The following CEP112 variants were observed in gnomAD, a reference collection of about 807,000 sequenced individuals.
CEP112 encodes the protein centrosomal protein of 112 kDa.
CEP112 carries 127 observed loss-of-function variants against 153.0 expected under a neutral mutation model. The observed-to-expected ratio is 0.83, with a 90% CI of 0.72 to 0.96. The LOEUF (loss-of-function observed/expected upper bound fraction) is 0.96, where lower values mean the gene tolerates loss of function less well. CEP112 is among the 40% of genes least tolerant of loss of function. CEP112 has a pLI of 0.00. For missense variants in CEP112, 1,089 were observed against 1,101.2 expected (o/e 0.99, Z 0.16); for synonymous variants, 358 against 374.4 (o/e 0.96, Z 0.51).
Position 66,191,868 on chromosome 17 carries a change from C to T in CEP112, c.-9+129G>A, listed in dbSNP as rs550972461. 9.6e-4 allele frequency: 146 copies of T among 152,318 alleles called. 1 individual carries two copies. Among genetic ancestry groups the T allele is most frequent in the African/African-American group, 3.5e-3 (144 of 41,568 alleles). The allele number at this position is 152,318 out of a possible 1,614,324, so 9.4% of individuals were successfully genotyped here. On this transcript the variant is annotated intron_variant, in intron 1 of 26. Coordinates refer to ENST00000535342, the MANE Select transcript of CEP112 (RefSeq NM_001199165.4). This position sits in a 1 kb window ranked among gnomAD's most constrained non-coding sequence, Gnocchi z 4.2. ...CGCCCCCCAGGCCCGGAGAACGGGC[C>T]CAGGGCCTGAGGGCGACGCCCCTTC...
rs960344027 is a variant in CEP112 at position 65,829,340 on chromosome 17, A to AT, written c.2394+22463dup. ...ATCAGGCAAACCAGGCCCATAGAGA[A>AT]TTTTTTTTTCCATTATGAATATGAG... On this transcript the variant is annotated intron_variant, in intron 21 of 26. Coordinates refer to ENST00000535342, the MANE Select transcript of CEP112 (RefSeq NM_001199165.4). 1.2e-4 allele frequency among the ~76,000 whole-genome samples: 18 copies of AT among 151,588 alleles called. No homozygotes were observed. In the South Asian group the frequency reaches 1.5e-3, roughly 12 times the overall value.
chr17:65,639,836 C>CTTTTTTTTT (rs554226605), intron 25 of CEP112, among the ~76,000 whole-genome samples: 10 of 110,958 alleles, frequency 9.0e-5, no homozygotes, highest in East Asian at 5.4e-4. Flanking sequence ...CTCTTTCTTT[C>CTTTTTTTTT]TTTTTTTTTT....
rs759470542 is a variant in CEP112 at position 66,028,347 on chromosome 17, T to A, written c.1562A>T (p.Gln521Leu). The A allele has an allele frequency of 4.4e-6, 7 of 1,600,880 alleles. No homozygotes were observed. The highest frequency in any genetic ancestry group is 6.0e-6 in the Non-Finnish European group (7 of 1,172,508). ...TTGCTTTCTTTGAAGTTCTGATTCC[T>A]GTAACTGCTGTTTTAATTGACAGAC... The part of the protein sequence containing the change: ...QNVCQLKQQL[Q>L]ESELQRKQQL... Residue 521 changes from glutamine to leucine, a missense_variant, in exon 15 of 27, where the codon CAG becomes CTG. Gln to Leu is a moderately radical substitution (Grantham distance 113, BLOSUM62 -2). Coordinates refer to ENST00000535342, the MANE Select transcript of CEP112 (RefSeq NM_001199165.4).
chr17:66,070,014 T>G lies in CEP112; in HGVS notation c.769-13A>C. ...TTTTCATGTCCAGCTTCAAGAAAAA[T>G]ATTTCAAGGGTGTTATTAATTTACT... On this transcript the variant is annotated splice_polypyrimidine_tract_variant and intron_variant, in intron 8 of 26. Coordinates refer to ENST00000535342, the MANE Select transcript of CEP112 (RefSeq NM_001199165.4). 1 of 1,506,762 alleles carries G rather than the reference T, an allele frequency of 6.6e-7. No homozygotes were observed. 93.3% of individuals were successfully genotyped at this position (1,506,762 alleles called of 1,614,324 possible). A position where few individuals can be genotyped will look rare whatever the true frequency, so the allele number is the denominator to read the frequency against.
chr17:65,973,508 A>T (rs923749634), intron 17 of CEP112, among the ~76,000 whole-genome samples: 6 of 152,244 alleles, frequency 3.9e-5, no homozygotes, highest in Non-Finnish European at 7.3e-5. Flanking sequence ...AACCTTTTTA[A>T]CATCATTAGT....
intron 11 of CEP112, among the ~76,000 whole-genome samples, chr17:66,058,157 GA>G (rs34748051): frequency 0.47 from 70,484 of 151,058 alleles, 17,475 homozygotes; most frequent in East Asian, 0.89. Context: ...TGTATAACTA[GA>G]AAAAAAAGCT....
intron 19 of CEP112, among the ~76,000 whole-genome samples, chr17:65,912,918 G>C (rs932634529): frequency 3.3e-5 from 5 of 152,064 alleles, no homozygotes; most frequent in African/African-American, 1.2e-4. Context: ...AGTTTTATTA[G>C]GTTGGTGCAA....
chr17:66,129,811 T>C lies in CEP112; in HGVS notation c.577A>G (p.Lys193Glu), dbSNP rs753392909. ...ITPKICEVYS[K>E]KSPVSLDDSD... Reference sequence around the variant, plus strand: ...TCATCCAAAGAAACAGGAGATTTTTTCGAATAAACTTCCTGAAATACAAAA... The same window carrying C: ...TCATCCAAAGAAACAGGAGATTTTTCCGAATAAACTTCCTGAAATACAAAA... The change falls in exon 6 of 27, where the codon AAA becomes GAA. Residue 193 changes from lysine (K) to glutamate (E), a missense_variant. Transcript: ENST00000535342. The C allele has an allele frequency of 1.2e-6, 2 of 1,608,796 alleles. No individual in the cohort carries two copies. The highest frequency in any genetic ancestry group is 2.7e-5 in the African/African-American group (2 of 74,622).
intron 8 of CEP112, among the ~76,000 whole-genome samples, chr17:66,083,243 A>C (rs1306724531): frequency 1.3e-5 from 2 of 152,140 alleles, no homozygotes; most frequent in African/African-American, 4.8e-5. Context: ...GGTTTTATAA[A>C]GGGCAGTTTC....
intron 8 of CEP112, among the ~76,000 whole-genome samples, chr17:66,087,846 G>A (rs529464487): frequency 6.6e-6 from 1 of 152,166 alleles, no homozygotes; most frequent in African/African-American, 2.4e-5. Context: ...GGGAAGAAAG[G>A]TGAGCACTAG....
chr17:65,972,711 T>C (rs1366783672), intron 17 of CEP112, among the ~76,000 whole-genome samples: 2 of 152,226 alleles, frequency 1.3e-5, no homozygotes, highest in African/African-American at 4.8e-5. Flanking sequence ...ACAGATTTTA[T>C]ATGTGTTAAA....
intron 23 of CEP112, among the ~76,000 whole-genome samples, chr17:65,733,893 A>C (rs1429240538): frequency 6.6e-6 from 1 of 152,222 alleles, no homozygotes; most frequent in Non-Finnish European, 1.5e-5. Flanking sequence ...GAAATCCAAA[A>C]GTCCTCCGAA....
At position 65,693,115 on chromosome 17, in the gene CEP112, A is replaced by G. The variant is rs556292306; in HGVS notation, c.2608-3897T>C. 1.2e-4 allele frequency among the ~76,000 whole-genome samples: 18 copies of G among 152,318 alleles called. No homozygotes were observed. In the South Asian group the frequency reaches 3.5e-3, roughly 30 times the overall value. Reference sequence around the variant, plus strand: ...AAATACTCCTTTAATTTTATTTCACAGAAGAGAAAGATGGCATGCCTCTCC... The same window carrying G: ...AAATACTCCTTTAATTTTATTTCACGGAAGAGAAAGATGGCATGCCTCTCC... On this transcript the variant is annotated intron_variant, in intron 23 of 26. Transcript: ENST00000535342.
intron 21 of CEP112, among the ~76,000 whole-genome samples, chr17:65,765,284 A>G (rs2052888256): frequency 6.7e-6 from 1 of 150,058 alleles, no homozygotes; most frequent in Admixed American, 6.7e-5. Flanking sequence ...TTTACAAACA[A>G]TTCATACATT....
At chr17:65,968,688 TTAC>T (rs1412412722) in intron 17 of CEP112, among the ~76,000 whole-genome samples, 4 of 152,312 alleles carry the variant, frequency 2.6e-5, no homozygotes, top group East Asian at 3.9e-4. Flanking sequence ...ATTAGAAAAG[TTAC>T]TACATTTTTT....
chr17:65,665,855 C>G (rs2046664925), intron 24 of CEP112, among the ~76,000 whole-genome samples: 1 of 152,172 alleles, frequency 6.6e-6, no homozygotes, highest in Non-Finnish European at 1.5e-5. Flanking sequence ...ACCCTATGAG[C>G]TGGCCCCAGC....
chr17:66,132,160 C>A (rs1023067424), intron 5 of CEP112, among the ~76,000 whole-genome samples: 1 of 84,332 alleles, frequency 1.2e-5, no homozygotes, highest in Non-Finnish European at 2.1e-5. Context: ...AACAGTGAGA[C>A]TCCATCTCAA....
chr17:65,759,069 C>T (rs2052454345), intron 21 of CEP112, among the ~76,000 whole-genome samples: 1 of 152,142 alleles, frequency 6.6e-6, no homozygotes, highest in South Asian at 2.1e-4. Context: ...CCCACCAAAA[C>T]CAAGATGGTG....
intron 24 of CEP112, among the ~76,000 whole-genome samples, chr17:65,681,306 C>G (rs1021828379): frequency 1.3e-5 from 2 of 151,994 alleles, no homozygotes; most frequent in Non-Finnish European, 2.9e-5. Flanking sequence ...TCTTTGCATC[C>G]TCCTCTATCT....
Sources: gnomAD v4.1 joint callset for allele counts (sites outside exome capture counted in the v4.1 genomes callset) on GRCh38, gnomAD v4.1.1 for gene constraint, Gnocchi (gnomAD v3.1) non-coding constraint, MANE v1.5 for transcripts, NCBI Gene and HGNC (gene_info 2026-07-23, HGNC 2026-07-21) for gene names.